ANKRD6: variants seen among roughly 807,000 people sequenced by gnomAD.
ANKRD6 encodes ankyrin repeat domain 6.
ANKRD6 carries 56 observed loss-of-function variants against 82.3 expected under a neutral mutation model. The observed-to-expected ratio is 0.68, with a 90% CI of 0.55 to 0.85. ANKRD6 has a LOEUF of 0.85. ANKRD6 is among the 40% of genes least tolerant of loss of function. ANKRD6 has a pLI of 0.00. For synonymous variants in ANKRD6, 347 were observed against 352.1 expected, an observed-to-expected ratio of 0.99 and a Z score of 0.16; for missense variants, 852 against 907.6, an observed-to-expected ratio of 0.94 and a Z score of 0.79.
At chr6:89,623,628 T>C in intron 11 of ANKRD6, 84 bp downstream of exon 11, 1 of 1,502,146 alleles carries the variant, frequency 6.7e-7, no homozygotes, top group Non-Finnish European at 8.9e-7. Flanking sequence ...GCCCATCAGC[T>C]AAAAAGCCAC....
intron 1 of ANKRD6, among the ~76,000 whole-genome samples, chr6:89,471,657 T>C (rs1370343881): frequency 6.6e-6 from 1 of 151,900 alleles, no homozygotes; most frequent in Non-Finnish European, 1.5e-5. Context: ...TACTGAAAGC[T>C]GAGCAAAGTT....
At chr6:89,489,664 T>C (rs1777794745) in intron 1 of ANKRD6, among the ~76,000 whole-genome samples, 1 of 152,218 alleles carries the variant, frequency 6.6e-6, no homozygotes, top group South Asian at 2.1e-4. Context: ...TGGACAGTGC[T>C]GAGAGCAAGG....
intron 1 of ANKRD6, among the ~76,000 whole-genome samples, chr6:89,537,669 T>C (rs1232027153): frequency 6.6e-6 from 1 of 151,436 alleles, no homozygotes; most frequent in African/African-American, 2.4e-5. Flanking sequence ...ATCCCAGCAC[T>C]TGGGGATGCC....
chr6:89,468,974 G>T (rs969081093), intron 1 of ANKRD6, among the ~76,000 whole-genome samples: 1 of 151,792 alleles, frequency 6.6e-6, no homozygotes, highest in Non-Finnish European at 1.5e-5. Flanking sequence ...TATAAATTCA[G>T]TTCTTTCTAA....
chr6:89,434,874 G>A (rs918197722), intron 1 of ANKRD6, among the ~76,000 whole-genome samples: 2 of 152,128 alleles, frequency 1.3e-5, no homozygotes, highest in East Asian at 1.9e-4. Flanking sequence ...TGCCCTCTAG[G>A]TCATACTGGA....
At position 89,603,523 on chromosome 6, in the gene ANKRD6, C is replaced by A. The variant is rs574330749; in HGVS notation, c.318+396C>A. Among the ~76,000 whole-genome samples, 3 of 152,082 alleles carry A rather than the reference C, an allele frequency of 2.0e-5. No individual in the cohort carries two copies. The South Asian group carries it at 6.2e-4, about 32-fold the overall frequency. ...AAAAATCTTTTTCCTTGTTCTATGG[C>A]ACCAGTGACAACCACATAAATCTTA... On this transcript the variant is annotated intron_variant, in intron 4 of 15. Coordinates refer to ENST00000339746, the MANE Select transcript of ANKRD6 (RefSeq NM_001242809.2).
At chr6:89,584,554 T>G (rs149533243) in intron 2 of ANKRD6, among the ~76,000 whole-genome samples, 50 of 152,356 alleles carry the variant, frequency 3.3e-4, no homozygotes, top group African/African-American at 1.1e-3. Context: ...TTCCTTGTTC[T>G]AAGCCAATAA....
intron 1 of ANKRD6, among the ~76,000 whole-genome samples, chr6:89,495,117 C>A (rs1455161610): frequency 6.6e-6 from 1 of 152,146 alleles, no homozygotes; most frequent in African/African-American, 2.4e-5. Flanking sequence ...GCCTGTAGTC[C>A]CAGTTACTCG....
At position 89,624,073 on chromosome 6, in the gene ANKRD6, T is replaced by C; in HGVS notation, c.1218+16T>C. 1 of 1,586,072 alleles carries C rather than the reference T, an allele frequency of 6.3e-7. No individual in the cohort carries two copies. On this transcript the variant is annotated intron_variant, in intron 12 of 15. Transcript: ENST00000339746. Reference sequence around the variant, plus strand: ...AGTGATGCAGGTACCTGCAAAGCAGTGTCAGGAGAAGGGAACATAGGCCTT... The same window carrying C: ...AGTGATGCAGGTACCTGCAAAGCAGCGTCAGGAGAAGGGAACATAGGCCTT...
In ANKRD6 at chr6:89,630,866, G is replaced by A. The variant is rs372074919; in HGVS notation, c.2046G>A (p.Trp682Ter). 2 of 1,613,814 alleles carry A rather than the reference G, an allele frequency of 1.2e-6. No individual in the cohort carries two copies. The highest frequency in any genetic ancestry group is 1.7e-6 in the Non-Finnish European group (2 of 1,179,890). The stretch of plus-strand genomic sequence containing the variant: ...CTGTTTCTACCCAGATGGAAAAGTG[G>A]TATGAAAGGAAGATTGAAGAAGCAC... Reference protein sequence around the residue: ...FEAVSTQMEKWYERKIEEARS... With the variant: ...FEAVSTQMEK The change falls in exon 16 of 16, where the codon TGG becomes TGA. Residue 682 changes from tryptophan to a stop codon, truncating the protein, a stop_gained. Coordinates refer to ENST00000339746, the MANE Select transcript of ANKRD6 (RefSeq NM_001242809.2). LOFTEE classifies it high-confidence loss of function.
At chr6:89,507,854 G>T (rs1291974695) in intron 1 of ANKRD6, among the ~76,000 whole-genome samples, 2 of 152,058 alleles carry the variant, frequency 1.3e-5, no homozygotes. Context: ...TATATTCCTT[G>T]GTAATTCTTT....
intron 2 of ANKRD6, among the ~76,000 whole-genome samples, chr6:89,579,427 T>C (rs1250610437): frequency 1.3e-5 from 2 of 152,172 alleles, no homozygotes; most frequent in African/African-American, 2.4e-5. Context: ...GGCCATTCAG[T>C]ATCCTACCTG....
intron 2 of ANKRD6, among the ~76,000 whole-genome samples, chr6:89,594,080 C>G (rs1329953239): frequency 6.6e-6 from 1 of 152,080 alleles, no homozygotes; most frequent in Non-Finnish European, 1.5e-5. Context: ...ATAAGTGAAC[C>G]AGAACTACAT....
chr6:89,612,010 GA>G (rs1469209013), intron 5 of ANKRD6, among the ~76,000 whole-genome samples: 2 of 152,230 alleles, frequency 1.3e-5, no homozygotes, highest in African/African-American at 4.8e-5. Context: ...TTGAGCATTT[GA>G]AAAGGCTGGC....
intron 1 of ANKRD6, among the ~76,000 whole-genome samples, chr6:89,523,573 C>A (rs1782125643): frequency 6.6e-6 from 1 of 152,070 alleles, no homozygotes; most frequent in African/African-American, 2.4e-5. Context: ...TATTTAGTGC[C>A]CTTCTGGATC....
chr6:89,455,156 T>G (rs1270914097), intron 1 of ANKRD6, among the ~76,000 whole-genome samples: 1 of 151,898 alleles, frequency 6.6e-6, no homozygotes, highest in African/African-American at 2.4e-5. Context: ...TGTGTGTTTT[T>G]TTTTTTTTTT....
chr6:89,558,229 A>G (rs1373439723), intron 1 of ANKRD6, among the ~76,000 whole-genome samples: 3 of 152,214 alleles, frequency 2.0e-5, no homozygotes, highest in African/African-American at 4.8e-5. Flanking sequence ...TATTTATGCA[A>G]ATGAGATGGA....
chr6:89,572,067 C>A (rs566687083), intron 2 of ANKRD6, among the ~76,000 whole-genome samples: 1 of 152,104 alleles, frequency 6.6e-6, no homozygotes, highest in Admixed American at 6.5e-5. Context: ...TAGTTATATG[C>A]GTTTAAGGTT....
intron 2 of ANKRD6, 56 bp downstream of exon 2, chr6:89,567,152 CCATTGTCTGA>C: frequency 3.9e-6 from 6 of 1,541,078 alleles, no homozygotes; most frequent in Non-Finnish European, 5.3e-6. Flanking sequence ...TACCTCTTAA[CCATTGTCTGA>C]AAAACTGCTG....
Sources: gnomAD v4.1 joint callset for allele counts (sites outside exome capture counted in the v4.1 genomes callset) on GRCh38, gnomAD v4.1.1 for gene constraint, MANE v1.5 for transcripts, NCBI Gene and HGNC (gene_info 2026-07-23, HGNC 2026-07-21) for gene names.